Variants in LYPD6B observed in about 807,000 individuals in gnomAD.
LYPD6B encodes the protein ly6/PLAUR domain-containing protein 6B.
LYPD6B carries 17 observed loss-of-function variants against 22.8 expected under a neutral mutation model. The observed-to-expected ratio is 0.75, with a 90% CI of 0.51 to 1.12. LYPD6B has a LOEUF of 1.12. LYPD6B is among the 50% of genes most tolerant of loss of function. The pLI, the probability that LYPD6B is intolerant of heterozygous loss-of-function variation, is 0.00. For missense variants in LYPD6B, 221 were observed against 258.3 expected (o/e 0.86, Z 0.99); for synonymous variants, 106 against 91.6 (o/e 1.16, Z -0.90).
intron 1 of LYPD6B, among the ~76,000 whole-genome samples, chr2:149,127,628 T>C (rs1460765406): frequency 6.6e-6 from 1 of 152,234 alleles, no homozygotes; most frequent in Non-Finnish European, 1.5e-5. Flanking sequence ...TGTATCTATG[T>C]ACTTTCTTGG....
chr2:149,201,735 T>G (rs1693172670), intron 3 of LYPD6B, among the ~76,000 whole-genome samples: 1 of 152,218 alleles, frequency 6.6e-6, no homozygotes, highest in Non-Finnish European at 1.5e-5. Context: ...CTTTGGCAGT[T>G]TTGCAGAATT....
chr2:149,065,381 T>C (rs957176918), intron 1 of LYPD6B, among the ~76,000 whole-genome samples: 1 of 152,204 alleles, frequency 6.6e-6, no homozygotes, highest in Non-Finnish European at 1.5e-5. Context: ...CTTAATTTCA[T>C]TGGCCCCCTA....
intron 1 of LYPD6B, among the ~76,000 whole-genome samples, chr2:149,069,375 G>A (rs1684492385): frequency 6.6e-6 from 1 of 152,088 alleles, no homozygotes; most frequent in Admixed American, 6.6e-5. Context: ...GTATACCTAA[G>A]AACAGCAGAG....
At chr2:149,210,818 G>A (rs887217100) in intron 5 of LYPD6B, among the ~76,000 whole-genome samples, 9 of 152,228 alleles carry the variant, frequency 5.9e-5, no homozygotes, top group South Asian at 2.1e-4. Context: ...AACTTTTAGC[G>A]GCTCCCTTTC....
chr2:149,089,019 C>G (rs1685524866), intron 1 of LYPD6B, among the ~76,000 whole-genome samples: 1 of 151,986 alleles, frequency 6.6e-6, no homozygotes, highest in Non-Finnish European at 1.5e-5. Context: ...TCCTCTTCCT[C>G]AAAATGATGA....
chr2:149,073,352 G>A (rs1043764650), intron 1 of LYPD6B, among the ~76,000 whole-genome samples: 6 of 152,230 alleles, frequency 3.9e-5, no homozygotes, highest in African/African-American at 1.4e-4. Flanking sequence ...AGTGAGAGAA[G>A]GCATGTGCCC....
intron 1 of LYPD6B, among the ~76,000 whole-genome samples, chr2:149,130,134 C>T (rs768816610): frequency 2.0e-5 from 3 of 152,168 alleles, no homozygotes; most frequent in Non-Finnish European, 4.4e-5. Flanking sequence ...ATTTTCTGAG[C>T]CTTGGATTCA....
chr2:149,084,023 C>T (rs1456342751), intron 1 of LYPD6B, among the ~76,000 whole-genome samples: 1 of 152,074 alleles, frequency 6.6e-6, no homozygotes, highest in Non-Finnish European at 1.5e-5. Context: ...TCACTTGAAC[C>T]AGGAGGCAGA....
At chr2:149,044,339 C>T (rs1267561940) in intron 1 of LYPD6B, among the ~76,000 whole-genome samples, 1 of 151,982 alleles carries the variant, frequency 6.6e-6, no homozygotes, top group East Asian at 1.9e-4. Context: ...AGATCTTGCA[C>T]ATATTTTGTT....
chr2:149,141,758 C>A (rs1366299385), intron 2 of LYPD6B, among the ~76,000 whole-genome samples: 1 of 152,142 alleles, frequency 6.6e-6, no homozygotes, highest in African/African-American at 2.4e-5. Context: ...TGGCTCAGAA[C>A]AACAGAAATT....
intron 3 of LYPD6B, among the ~76,000 whole-genome samples, chr2:149,178,358 A>G (rs1217904172): frequency 6.6e-6 from 1 of 152,240 alleles, no homozygotes; most frequent in Non-Finnish European, 1.5e-5. Context: ...TAAAGACAAC[A>G]TCTTATCACC....
intron 1 of LYPD6B, among the ~76,000 whole-genome samples, chr2:149,062,370 A>T (rs1200796405): frequency 6.6e-6 from 1 of 152,234 alleles, no homozygotes; most frequent in Non-Finnish European, 1.5e-5. Context: ...GATGCTCAGT[A>T]AATTGTAGCA....
chr2:149,089,367 G>T (rs2105433197), intron 1 of LYPD6B, among the ~76,000 whole-genome samples: 1 of 152,292 alleles, frequency 6.6e-6, no homozygotes, highest in Non-Finnish European at 1.5e-5. Flanking sequence ...AGTGGGAAGT[G>T]CTGGGATTAG....
chr2:149,088,913 TC>T (rs991191672), intron 1 of LYPD6B, among the ~76,000 whole-genome samples: 1 of 152,090 alleles, frequency 6.6e-6, no homozygotes, highest in Non-Finnish European at 1.5e-5. Flanking sequence ...GAGACAGTAC[TC>T]CCCTTTTAGT....
chr2:149,093,010 C>T (rs889109617), intron 1 of LYPD6B, among the ~76,000 whole-genome samples: 6 of 152,112 alleles, frequency 3.9e-5, no homozygotes, highest in African/African-American at 1.4e-4. Context: ...ATATCTCTAA[C>T]AGGCAGTCAG....
At chr2:149,061,828 A>G (rs1684096652) in intron 1 of LYPD6B, among the ~76,000 whole-genome samples, 1 of 152,200 alleles carries the variant, frequency 6.6e-6, no homozygotes, top group Non-Finnish European at 1.5e-5. Context: ...AGTACATTAT[A>G]AAAGTAAGCA....
chr2:149,209,202 A>G (rs1461926717), intron 5 of LYPD6B, among the ~76,000 whole-genome samples: 1 of 152,084 alleles, frequency 6.6e-6, no homozygotes, highest in South Asian at 2.1e-4. Context: ...GGGAGTTTTA[A>G]GCTAGGGAAT....
At chr2:149,039,183 G>T (rs1016857024) in intron 1 of LYPD6B, among the ~76,000 whole-genome samples, 1 of 152,236 alleles carries the variant, frequency 6.6e-6, no homozygotes, top group Non-Finnish European at 1.5e-5. Flanking sequence ...CGGAGCTGGG[G>T]CTGGGGTTCA....
chr2:149,183,572 C>T (rs1184419940), intron 3 of LYPD6B, among the ~76,000 whole-genome samples: 1 of 152,068 alleles, frequency 6.6e-6, no homozygotes. Context: ...TGCTTCCTTA[C>T]CTACTATAAG....
Sources: gnomAD v4.1 joint callset for allele counts (sites outside exome capture counted in the v4.1 genomes callset) on GRCh38, gnomAD v4.1.1 for gene constraint, MANE v1.5 for transcripts, NCBI Gene and HGNC (gene_info 2026-07-23, HGNC 2026-07-21) for gene names.